EEFSEC: variants seen among roughly 807,000 people sequenced by gnomAD.
EEFSEC encodes the protein selenocysteine-specific elongation factor.
A neutral mutation model predicts 42.1 loss-of-function variants in EEFSEC; 43 were observed. The ratio of observed to expected loss-of-function variants is 1.02; its 90% CI spans 0.80 to 1.32. The LOEUF is 1.32. EEFSEC is among the 40% of genes most tolerant of loss of function. The pLI, the probability that EEFSEC is intolerant of heterozygous loss-of-function variation, is 0.00. For missense variants in EEFSEC, 745 were observed against 803.6 expected (o/e 0.93, Z 0.88); for synonymous variants, 354 against 339.1 (o/e 1.04, Z -0.48).
chr3:128,235,061 A>ATTTAT (rs1406397204), intron 1 of EEFSEC, among the ~76,000 whole-genome samples: 1 of 151,722 alleles, frequency 6.6e-6, no homozygotes, highest in African/African-American at 2.4e-5. Flanking sequence ...TTACTTACTT[A>ATTTAT]TTTATTTTAT....
intron 1 of EEFSEC, among the ~76,000 whole-genome samples, chr3:128,201,025 A>T (rs906135810): frequency 1.3e-5 from 2 of 152,132 alleles, no homozygotes; most frequent in Non-Finnish European, 1.5e-5. Flanking sequence ...CCACCTTTGC[A>T]ATTTTCATCT....
At chr3:128,182,489 C>T (rs1351558219) in intron 1 of EEFSEC, among the ~76,000 whole-genome samples, 1 of 152,162 alleles carries the variant, frequency 6.6e-6, no homozygotes, top group Admixed American at 6.5e-5. Flanking sequence ...TTACACTCCC[C>T]GCACTGCCAA....
intron 5 of EEFSEC, 35 bp downstream of exon 5, chr3:128,341,924 C>T (rs2067260383): frequency 6.3e-7 from 1 of 1,589,108 alleles, no homozygotes; most frequent in Non-Finnish European, 8.6e-7. Flanking sequence ...ACACCCCTTC[C>T]CTTCTTGCTC....
chr3:128,217,659 C>T (rs1232387356), intron 1 of EEFSEC, among the ~76,000 whole-genome samples: 1 of 152,174 alleles, frequency 6.6e-6, no homozygotes, highest in Non-Finnish European at 1.5e-5. Context: ...AAGGAATACA[C>T]GAGCACCTGG....
intron 6 of EEFSEC, among the ~76,000 whole-genome samples, chr3:128,405,613 C>T (rs1287120356): frequency 6.6e-6 from 1 of 152,268 alleles, no homozygotes; most frequent in Non-Finnish European, 1.5e-5. Flanking sequence ...AGCCAGCGCT[C>T]CCAGTCTGAG....
At chr3:128,250,830 T>C (rs150625583) in intron 2 of EEFSEC, among the ~76,000 whole-genome samples, 1 of 152,166 alleles carries the variant, frequency 6.6e-6, no homozygotes, top group Admixed American at 6.5e-5. Flanking sequence ...TTGGGTAGTA[T>C]TGACATCTTA....
intron 1 of EEFSEC, among the ~76,000 whole-genome samples, chr3:128,231,963 A>AG (rs1278743940): frequency 6.6e-6 from 1 of 152,180 alleles, no homozygotes; most frequent in Non-Finnish European, 1.5e-5. Context: ...AAGTGTGCTT[A>AG]GGGTTTTCTT....
intron 5 of EEFSEC, among the ~76,000 whole-genome samples, chr3:128,347,099 A>C (rs1291117081): frequency 6.6e-6 from 1 of 152,214 alleles, no homozygotes; most frequent in Non-Finnish European, 1.5e-5. Flanking sequence ...AGCAGTCCTT[A>C]GGAATTGGGC....
intron 1 of EEFSEC, among the ~76,000 whole-genome samples, chr3:128,208,188 A>G (rs2107827908): frequency 6.6e-6 from 1 of 152,330 alleles, no homozygotes; most frequent in South Asian, 2.1e-4. Flanking sequence ...TTTCCAGCAC[A>G]GGCTGGTCTC....
At chr3:128,413,525 C>A (rs2068188916), downstream of EEFSEC, among the ~76,000 whole-genome samples, 1 of 152,158 alleles carries the variant, frequency 6.6e-6, no homozygotes, top group Admixed American at 6.5e-5. Context: ...GAACCCCTGG[C>A]CCACCCAGGC....
intron 1 of EEFSEC, among the ~76,000 whole-genome samples, chr3:128,220,505 C>T (rs143608384): frequency 5.8e-4 from 88 of 152,236 alleles, no homozygotes; most frequent in Admixed American, 1.6e-3. Context: ...CTCAGAGGTG[C>T]GGCTGGCCTG....
intron 1 of EEFSEC, among the ~76,000 whole-genome samples, chr3:128,221,560 T>C (rs777321994): frequency 6.6e-6 from 1 of 152,222 alleles, no homozygotes; most frequent in Non-Finnish European, 1.5e-5. Context: ...ACATAGAAAC[T>C]GGTGACTCCT....
intron 1 of EEFSEC, among the ~76,000 whole-genome samples, chr3:128,233,954 G>T (rs150319927): frequency 0.01 from 1,558 of 152,218 alleles, 29 homozygotes; most frequent in African/African-American, 0.035. Flanking sequence ...TGTGCCTGGT[G>T]CATTCTTAAG....
intron 1 of EEFSEC, among the ~76,000 whole-genome samples, chr3:128,204,464 G>A (rs1406176651): frequency 2.0e-5 from 3 of 152,020 alleles, no homozygotes; most frequent in Non-Finnish European, 4.4e-5. Context: ...GCTTGTTTTA[G>A]CTTGCCGTAA....
At chr3:128,294,746 G>A (rs1443478172) in intron 4 of EEFSEC, among the ~76,000 whole-genome samples, 2 of 152,212 alleles carry the variant, frequency 1.3e-5, no homozygotes, top group Non-Finnish European at 2.9e-5. Context: ...TAAGGGGAGG[G>A]TATTCCCATC....
At chr3:128,309,326 C>T (rs1241735872) in intron 4 of EEFSEC, among the ~76,000 whole-genome samples, 2 of 151,864 alleles carry the variant, frequency 1.3e-5, no homozygotes, top group East Asian at 1.9e-4. Context: ...GGCCAGCTGG[C>T]GTTTGGAGTT....
the EEFSEC span, among the ~76,000 whole-genome samples, chr3:128,417,292 C>T: frequency 6.6e-6 from 1 of 152,114 alleles, no homozygotes; most frequent in Non-Finnish European, 1.5e-5. The surrounding 1 kb of genome is among the most constrained non-coding windows in gnomAD (Gnocchi z 4.3). Flanking sequence ...GCACGACCTC[C>T]CTGACCTCCT....
At chr3:128,365,725 G>A (rs955189724) in intron 6 of EEFSEC, among the ~76,000 whole-genome samples, 3 of 152,116 alleles carry the variant, frequency 2.0e-5, no homozygotes, top group Non-Finnish European at 2.9e-5. Context: ...TTCATGCCAG[G>A]CTGCTTCACA....
At chr3:128,396,942 G>A (rs553334504) in intron 6 of EEFSEC, among the ~76,000 whole-genome samples, 41 of 152,306 alleles carry the variant, frequency 2.7e-4, no homozygotes, top group African/African-American at 6.0e-4. Flanking sequence ...TTGGCCATCT[G>A]GGCTGCTTTC....
Sources: allele counts gnomAD v4.1 joint callset (sites outside exome capture counted in the v4.1 genomes callset), GRCh38; gene constraint gnomAD v4.1.1; non-coding constraint Gnocchi (gnomAD v3.1); transcripts MANE v1.5; gene names NCBI Gene and HGNC (gene_info 2026-07-23, HGNC 2026-07-21).